The following TRIM60 variants were observed in gnomAD, a reference collection of about 807,000 sequenced individuals.
TRIM60 encodes tripartite motif containing 60.
For synonymous variants in TRIM60, 189 were observed against 195.2 expected, an observed-to-expected ratio of 0.97 and a Z score of 0.27; for missense variants, 524 against 540.8, an observed-to-expected ratio of 0.97 and a Z score of 0.31.
rs776145138 is a variant in TRIM60, at chr4:165,041,077, C to T, written c.1005C>T (p.Val335=). 1 of 1,614,168 alleles carries T rather than the reference C, an allele frequency of 6.2e-7. No individual in the cohort carries two copies. The highest frequency in any genetic ancestry group is 2.2e-5 in the East Asian group (1 of 44,880). ...GTTATGACCCAAGGAGATTTTATGTCTGCCCTGCTGTCCTAGGCTCTCAGA... is the reference window on the plus strand; with the variant it reads ...GTTATGACCCAAGGAGATTTTATGTTTGCCCTGCTGTCCTAGGCTCTCAGA... ...NICYDPRRFY[V]CPAVLGSQRF... Residue 335 remains valine (V), a synonymous_variant, in exon 3 of 3, where the codon GTC becomes GTT. Coordinates refer to ENST00000512596, the MANE Select transcript of TRIM60 (RefSeq NM_152620.3).
chr4:165,040,448 C>T lies in TRIM60; in HGVS notation c.376C>T (p.Gln126Ter). 1 of 1,614,162 alleles carries T rather than the reference C, an allele frequency of 6.2e-7. No homozygotes were observed. The highest frequency in any genetic ancestry group is 8.5e-7 in the Non-Finnish European group (1 of 1,180,034). The change falls in exon 3 of 3, where the codon CAG (glutamine) becomes TAG (stop). Residue 126 changes from glutamine (Q) to a stop codon, truncating the protein, a stop_gained. Transcript: ENST00000512596. LOFTEE classifies it low-confidence loss of function (END_TRUNC). ...ACAGTGCAGTTTCTCCACTAAACACCAGAAGCACTACATTTGCCCTATTAA... is the reference window on the plus strand; with the variant it reads ...ACAGTGCAGTTTCTCCACTAAACACTAGAAGCACTACATTTGCCCTATTAA... ...CTQCSFSTKH[Q>*]KHYICPIKKA...
chr4:165,034,506 C>G (rs1035051441), intron 1 of TRIM60, among the ~76,000 whole-genome samples: 1 of 152,130 alleles, frequency 6.6e-6, no homozygotes, highest in Non-Finnish European at 1.5e-5. Flanking sequence ...TAAAAAATTC[C>G]AGTCATATTT....
Position 165,040,676 on chromosome 4 carries a change from CT to C in TRIM60, c.606del (p.Arg203GlyfsTer8), listed in dbSNP as rs1733737043. ...TTTACAGAATGAACAAGAGATGATT[CT>C]TAGGCAGATACAAGATGAAGAGATG... The part of the protein sequence containing the change: ...LFLQNEQEMI[L>X]RQIQDEEMNI... On this transcript the variant is annotated frameshift_variant, in exon 3 of 3. Coordinates refer to ENST00000512596, the MANE Select transcript of TRIM60 (RefSeq NM_152620.3). LOFTEE classifies it low-confidence loss of function (END_TRUNC). 6.2e-7 allele frequency: 1 copy of C among 1,613,668 alleles called. No individual in the cohort carries two copies. The highest frequency in any genetic ancestry group is 1.3e-5 in the African/African-American group (1 of 74,898).
chr4:165,033,825 A>G (rs1733560213), intron 1 of TRIM60, among the ~76,000 whole-genome samples: 1 of 152,158 alleles, frequency 6.6e-6, no homozygotes, highest in Admixed American at 6.5e-5. Context: ...GGGAAGTGAA[A>G]AATTACAAAA....
intron 1 of TRIM60, among the ~76,000 whole-genome samples, chr4:165,035,089 G>T (rs1733591325): frequency 6.6e-6 from 1 of 152,064 alleles, no homozygotes; most frequent in Non-Finnish European, 1.5e-5. Context: ...TTTTTTTGAG[G>T]TATCTCTCTC....
chr4:165,040,833 G>A lies in TRIM60; in HGVS notation c.761G>A (p.Ser254Asn). The change falls in exon 3 of 3, where the codon AGT becomes AAT. Residue 254 changes from serine to asparagine, a missense_variant. By Grantham distance (46) the Ser-to-Asn change is conservative (BLOSUM62 1). Transcript: ENST00000512596. Reference protein sequence around the residue: ...SNLELLTQAKSMHHKYQNLKC... With the variant: ...SNLELLTQAKNMHHKYQNLKC... ...CTGGAATTACTGACACAAGCTAAGA[G>A]TATGCACCACAAGTATCAAAACCTA... 1.9e-6 allele frequency: 3 copies of A among 1,614,098 alleles called. No homozygotes were observed. The highest frequency in any genetic ancestry group is 2.5e-6 in the Non-Finnish European group (3 of 1,180,018).
chr4:165,040,248 G>A lies in TRIM60; in HGVS notation c.176G>A (p.Cys59Tyr). The change falls in exon 3 of 3, where the codon TGC becomes TAC. Residue 59 changes from cysteine (C) to tyrosine (Y), a missense_variant. Coordinates refer to ENST00000512596, the MANE Select transcript of TRIM60 (RefSeq NM_152620.3). ...TTTCCCTGTCCTGTCTGCCGTTTTT[G>A]CTTTCCATACAAGAGCTTCAGGAGG... ...DTFPCPVCRFCFPYKSFRRNP... is the reference protein window; with the variant it reads ...DTFPCPVCRFYFPYKSFRRNP... The A allele has an allele frequency of 6.2e-7, 1 of 1,614,126 alleles. No individual in the cohort carries two copies.
chr4:165,034,343 G>A (rs1280299832), intron 1 of TRIM60, among the ~76,000 whole-genome samples: 1 of 151,868 alleles, frequency 6.6e-6, no homozygotes, highest in Non-Finnish European at 1.5e-5. Context: ...TAGTAGAGAC[G>A]GGGTTTCACC....
chr4:165,036,509 G>A (rs1733626966), intron 1 of TRIM60, among the ~76,000 whole-genome samples: 1 of 152,132 alleles, frequency 6.6e-6, no homozygotes, highest in African/African-American at 2.4e-5. Flanking sequence ...GGGTTAAACA[G>A]AACACTATAT....
In TRIM60 at chr4:165,032,126, G is replaced by T. The variant is rs1733514032; in HGVS notation, c.-57+14G>T. On this transcript the variant is annotated intron_variant, in intron 1 of 2. Transcript: ENST00000512596. ...CAACTGCTCCAGGTAAGCTGGGAGG[G>T]CCGCAGGAAAGGCGCAGTAGGGCCT... 1 of 152,456 alleles carries T rather than the reference G, an allele frequency of 6.6e-6. No homozygotes were observed. The highest frequency in any genetic ancestry group is 2.4e-5 in the African/African-American group (1 of 41,472). The allele number at this position is 152,456 out of a possible 1,614,324, so 9.4% of individuals were successfully genotyped here. A position where few individuals can be genotyped will look rare whatever the true frequency, so the allele number is the denominator to read the frequency against.
At chr4:165,034,152 T>A (rs909996514) in intron 1 of TRIM60, among the ~76,000 whole-genome samples, 1 of 140,668 alleles carries the variant, frequency 7.1e-6, no homozygotes, top group East Asian at 2.0e-4. Flanking sequence ...TTAAATGAAA[T>A]ACACTTTTTT....
At chr4:165,033,916 C>T (rs1733562027) in intron 1 of TRIM60, among the ~76,000 whole-genome samples, 1 of 152,140 alleles carries the variant, frequency 6.6e-6, no homozygotes, top group African/African-American at 2.4e-5. Flanking sequence ...CCCCAACTCT[C>T]CCATAGATGC....
intron 1 of TRIM60, among the ~76,000 whole-genome samples, chr4:165,034,154 C>A (rs941847843): frequency 1.8e-4 from 25 of 137,050 alleles, no homozygotes; most frequent in Non-Finnish European, 2.7e-4. Flanking sequence ...AAATGAAATA[C>A]ACTTTTTTTT....
At position 165,040,405 on chromosome 4, in the gene TRIM60, T is replaced by TCTAGAGATCTTATGTA; in HGVS notation, c.335_350dup (p.Gln118ArgfsTer12). On this transcript the variant is annotated frameshift_variant, in exon 3 of 3. Transcript: ENST00000512596. LOFTEE classifies it low-confidence loss of function (END_TRUNC). The stretch of plus-strand genomic sequence containing the variant: ...TTCTGACCCTCTTCTGTGTTAAAGA[T>TCTAGAGATCTTATGTA]CTAGAGATCTTATGTACACAGTGCA... 6.2e-7 allele frequency: 1 copy of TCTAGAGATCTTATGTA among 1,614,204 alleles called. No homozygotes were observed. The highest frequency in any genetic ancestry group is 8.5e-7 in the Non-Finnish European group (1 of 1,180,038).
chr4:165,036,981 T>C lies in TRIM60; in HGVS notation c.-56-2220T>C, dbSNP rs1388522515. Among the ~76,000 whole-genome samples, 5 of 148,370 alleles carry C rather than the reference T, an allele frequency of 3.4e-5. No individual in the cohort carries two copies. The East Asian group carries it at 1.0e-3, about 30-fold the overall frequency. ...ACTTTGGGAGGCTGAGGTGGGTGGA[T>C]CACCTGAGGTCAGGAGTTCGAGACC... On this transcript the variant is annotated intron_variant, in intron 1 of 2. Coordinates refer to ENST00000512596, the MANE Select transcript of TRIM60 (RefSeq NM_152620.3).
chr4:165,034,729 T>C (rs1405604887), intron 1 of TRIM60, among the ~76,000 whole-genome samples: 1 of 152,186 alleles, frequency 6.6e-6, no homozygotes, highest in Non-Finnish European at 1.5e-5. Flanking sequence ...GATTGAAAAA[T>C]ATTATAATTT....
In TRIM60 at chr4:165,040,661, G is replaced by A. The variant is rs959897004; in HGVS notation, c.589G>A (p.Glu197Lys). 1 of 1,613,690 alleles carries A rather than the reference G, an allele frequency of 6.2e-7. No individual in the cohort carries two copies. The highest frequency in any genetic ancestry group is 1.7e-5 in the Admixed American group (1 of 59,974). ...FEQIRLFLQN[E>K]QEMILRQIQD... ...GCAAATAAGATTGTTTTTACAGAAT[G>A]AACAAGAGATGATTCTTAGGCAGAT... Residue 197 changes from glutamate to lysine, a missense_variant, in exon 3 of 3, where the codon GAA becomes AAA. By Grantham distance (56) the Glu-to-Lys change is moderately conservative. Transcript: ENST00000512596.
chr4:165,038,846 G>A (rs1256821585), intron 1 of TRIM60, among the ~76,000 whole-genome samples: 2 of 151,874 alleles, frequency 1.3e-5, no homozygotes, highest in African/African-American at 2.4e-5. Flanking sequence ...AGGCCAAGGA[G>A]GGCAGATCAC....
At chr4:165,033,431 T>C (rs1041514122) in intron 1 of TRIM60, among the ~76,000 whole-genome samples, 1 of 152,176 alleles carries the variant, frequency 6.6e-6, no homozygotes. Flanking sequence ...TAACCAAAGG[T>C]TGACAAAAAT....
Sources: gnomAD v4.1 joint callset for allele counts (sites outside exome capture counted in the v4.1 genomes callset) on GRCh38, gnomAD v4.1.1 for gene constraint, MANE v1.5 for transcripts, NCBI Gene and HGNC (gene_info 2026-07-23, HGNC 2026-07-21) for gene names.